The following CERT1 variants were observed in gnomAD, a reference collection of about 807,000 sequenced individuals.
CERT1 encodes the protein ceramide transporter 1.
A neutral mutation model predicts 87.9 loss-of-function variants in CERT1; 31 were observed. That is an observed-to-expected ratio of 0.35 (90% CI 0.27 to 0.48). CERT1 has a LOEUF of 0.48. CERT1 is among the 20% of genes least tolerant of loss of function. The pLI is 0.99. For missense variants in CERT1, 487 were observed against 758.0 expected (o/e 0.64, Z 4.20); for synonymous variants, 289 against 250.9 (o/e 1.15, Z -1.44).
intron 3 of CERT1, among the ~76,000 whole-genome samples, chr5:75,437,127 T>G (rs1200604496): frequency 6.6e-6 from 1 of 152,166 alleles, no homozygotes; most frequent in East Asian, 1.9e-4. Flanking sequence ...CCTATTCATG[T>G]CCAGTATTAA....
At chr5:75,477,385 T>C (rs1580826073) in intron 2 of CERT1, among the ~76,000 whole-genome samples, 1 of 152,002 alleles carries the variant, frequency 6.6e-6, no homozygotes, top group Non-Finnish European at 1.5e-5. Context: ...TTTTTTAAGA[T>C]AAAATACGGT....
intron 14 of CERT1, among the ~76,000 whole-genome samples, chr5:75,382,438 G>A (rs1761623711): frequency 6.6e-6 from 1 of 152,014 alleles, no homozygotes. Context: ...TACCCAGTAA[G>A]CAACAACTTT....
intron 3 of CERT1, among the ~76,000 whole-genome samples, chr5:75,432,858 T>C (rs911313491): frequency 1.3e-5 from 2 of 152,266 alleles, no homozygotes; most frequent in African/African-American, 4.8e-5. Context: ...TTAATCCATC[T>C]TGAGTTAATT....
chr5:75,379,939 C>T (rs889897760), intron 16 of CERT1, among the ~76,000 whole-genome samples: 5 of 152,128 alleles, frequency 3.3e-5, no homozygotes, highest in Admixed American at 2.0e-4. Flanking sequence ...ATCCATCAGA[C>T]ATAATCAGAC....
chr5:75,431,097 G>A (rs1266361710), intron 3 of CERT1, among the ~76,000 whole-genome samples: 1 of 152,114 alleles, frequency 6.6e-6, no homozygotes, highest in Non-Finnish European at 1.5e-5. Flanking sequence ...CAATACATGT[G>A]GAGGTTTATT....
chr5:75,470,415 A>G (rs1057162693), intron 2 of CERT1, among the ~76,000 whole-genome samples: 1 of 152,192 alleles, frequency 6.6e-6, no homozygotes, highest in African/African-American at 2.4e-5. Flanking sequence ...TCACACATAC[A>G]TGGAAATTAA....
intron 2 of CERT1, among the ~76,000 whole-genome samples, chr5:75,503,345 A>C (rs992761535): frequency 6.6e-6 from 1 of 151,992 alleles, no homozygotes; most frequent in African/African-American, 2.4e-5. Flanking sequence ...TTGTATTCTG[A>C]CATGAAGTGA....
In CERT1 at chr5:75,484,099, G is replaced by C. The variant is rs949724169; in HGVS notation, c.231+21883C>G. 3.9e-5 allele frequency among the ~76,000 whole-genome samples: 6 copies of C among 152,030 alleles called. No homozygotes were observed. The South Asian group carries it at 1.2e-3, about 32-fold the overall frequency. On this transcript the variant is annotated intron_variant, in intron 2 of 16. Transcript: ENST00000643780. ...AAAAGTGGGGGGTGATAAAATTATA[G>C]AGTTTTTATGAATTCTCTCTGTTTC...
chr5:75,436,988 G>A (rs924659223), intron 3 of CERT1, among the ~76,000 whole-genome samples: 1 of 151,958 alleles, frequency 6.6e-6, no homozygotes, highest in Non-Finnish European at 1.5e-5. Context: ...GTCTTATTAC[G>A]TTGTCTAGGC....
intron 11 of CERT1, among the ~76,000 whole-genome samples, chr5:75,393,966 A>T (rs549213520): frequency 1.3e-5 from 2 of 152,134 alleles, no homozygotes; most frequent in South Asian, 4.2e-4. Flanking sequence ...CTCCACCTCA[A>T]AAAAGGAAAT....
intron 2 of CERT1, among the ~76,000 whole-genome samples, chr5:75,480,155 T>C (rs1426671973): frequency 6.6e-6 from 1 of 152,228 alleles, no homozygotes; most frequent in Non-Finnish European, 1.5e-5. Flanking sequence ...CCACTATCTA[T>C]GTCTCTAATG....
rs549198001 is a variant in CERT1 at position 75,421,949 on chromosome 5, A to G, written c.596-2525T>C. On this transcript the variant is annotated intron_variant, in intron 5 of 16. Transcript: ENST00000643780. ...AAAACTCAAAAGCCTTCTGTACAAT[A>G]TTTGTTTTCCCCTTTCTGCTGTGCT... Among the ~76,000 whole-genome samples the G allele has an allele frequency of 5.9e-5, 9 of 152,242 alleles. No individual in the cohort carries two copies. The South Asian group carries it at 6.2e-4, about 11-fold the overall frequency.
rs191120712 is a variant in CERT1, at chr5:75,456,023, T to G, written c.348+3042A>C. Among the ~76,000 whole-genome samples the G allele has an allele frequency of 2.5e-4, 38 of 152,256 alleles. 1 individual carries two copies. Among genetic ancestry groups the G allele is most frequent in the African/African-American group, 8.7e-4 (36 of 41,562 alleles). ...TTATCATCATTATGCCTGTACAGTT[T>G]TATATAGAGGATCAAGACGATAATG... On this transcript the variant is annotated intron_variant, in intron 3 of 16. Transcript: ENST00000643780.
chr5:75,418,415 A>G (rs1170466328), intron 6 of CERT1, among the ~76,000 whole-genome samples: 1 of 152,096 alleles, frequency 6.6e-6, no homozygotes, highest in Non-Finnish European at 1.5e-5. Flanking sequence ...CTGGTAAAAA[A>G]CAGTTTGGCA....
intron 9 of CERT1, chr5:75,400,640 A>C: frequency 1.1e-5 from 2 of 186,144 alleles, no homozygotes; most frequent in East Asian, 1.4e-4. Flanking sequence ...CCCTGGCCAA[A>C]TCATTCCAAT....
chr5:75,430,024 T>G (rs1353840296), intron 3 of CERT1, among the ~76,000 whole-genome samples: 1 of 140,882 alleles, frequency 7.1e-6, no homozygotes. Context: ...CTGGTCAAAA[T>G]GGAAAAAAAA....
At chr5:75,475,820 T>C (rs1341051378) in intron 2 of CERT1, among the ~76,000 whole-genome samples, 10 of 152,142 alleles carry the variant, frequency 6.6e-5, no homozygotes, top group Admixed American at 6.5e-4. Flanking sequence ...TAAACTTTTG[T>C]AACCTTAGGC....
At chr5:75,458,622 G>A (rs1765098960) in intron 3 of CERT1, among the ~76,000 whole-genome samples, 1 of 151,944 alleles carries the variant, frequency 6.6e-6, no homozygotes, top group South Asian at 2.1e-4. Flanking sequence ...CCCAATCTTG[G>A]CTTACCGCAA....
At position 75,381,090 on chromosome 5, in the gene CERT1, T is replaced by C; in HGVS notation, c.1729A>G (p.Ile577Val). The C allele has an allele frequency of 1.9e-6, 3 of 1,614,116 alleles. No individual in the cohort carries two copies. The highest frequency in any genetic ancestry group is 2.5e-6 in the Non-Finnish European group (3 of 1,179,976). The change falls in exon 16 of 17, where the codon ATT becomes GTT. Residue 577 changes from isoleucine to valine, a missense_variant. Ile to Val is a conservative substitution (Grantham distance 29). Around this residue, in one of 8 missense-constraint regions of CERT1, gnomAD observed 33 missense variants for 64.4 expected, o/e 0.51. Coordinates refer to ENST00000643780, the MANE Select transcript of CERT1 (RefSeq NM_001379029.1). ...TACATACCATTAGCTACATATGTAA[T>C]CTTGCATAGAATGTTGTCCCTGCTA... ...EISRDNILCK[I>V]TYVANVNPGG...
Sources: gnomAD v4.1 joint callset for allele counts (sites outside exome capture counted in the v4.1 genomes callset) on GRCh38, gnomAD v4.1.1 for gene constraint, gnomAD v4.1.1 regional missense constraint, MANE v1.5 for transcripts, NCBI Gene and HGNC (gene_info 2026-07-23, HGNC 2026-07-21) for gene names.